PHAX: variants seen among roughly 807,000 people sequenced by gnomAD.
The protein encoded by PHAX is phosphorylated adapter RNA export protein.
Under a neutral mutation model 41.6 loss-of-function variants are expected in PHAX, and 31 were observed. The ratio of observed to expected loss-of-function variants is 0.75; its 90% CI spans 0.56 to 1.01. PHAX has a LOEUF of 1.01. Among genes scored for constraint, PHAX ranks in the 50% least tolerant of loss-of-function variants. The probability of loss-of-function intolerance (pLI) is 0.00; values close to 1 mark genes in which losing one functional copy is unlikely to be tolerated. For synonymous variants in PHAX, 175 were observed against 164.9 expected, an observed-to-expected ratio of 1.06 and a Z score of -0.47; for missense variants, 453 against 472.9, an observed-to-expected ratio of 0.96 and a Z score of 0.39.
chr5:126,616,608 G>T lies in PHAX; in HGVS notation c.832-642G>T, dbSNP rs562315405. Among the ~76,000 whole-genome samples, 5 of 151,820 alleles carry T rather than the reference G, an allele frequency of 3.3e-5. 1 individual carries two copies. Among genetic ancestry groups the T allele is most frequent in the African/African-American group, 1.2e-4 (5 of 41,378 alleles). Reference sequence around the variant, plus strand: ...CTAATAGAATATTCATGGTGGGTGCGGTGGCTCACACCTGTAATCCTAGCA... The same window carrying T: ...CTAATAGAATATTCATGGTGGGTGCTGTGGCTCACACCTGTAATCCTAGCA... On this transcript the variant is annotated intron_variant, in intron 3 of 4. Coordinates refer to ENST00000297540, the MANE Select transcript of PHAX (RefSeq NM_032177.4).
chr5:126,618,261 A>G lies in PHAX; in HGVS notation c.915+928A>G, dbSNP rs541006025. Among the ~76,000 whole-genome samples the G allele has an allele frequency of 1.2e-3, 189 of 152,054 alleles. 1 individual carries two copies. The highest frequency in any genetic ancestry group is 1.9e-3 in the Non-Finnish European group (129 of 67,962). ...GGCCTATACAGTCTTTTCCTGTTCC[A>G]TGTGGAAATAAATAACAAGCATCAG... On this transcript the variant is annotated intron_variant, in intron 4 of 4. Transcript: ENST00000297540.
intron 1 of PHAX, among the ~76,000 whole-genome samples, chr5:126,602,396 T>A (rs1751917333): frequency 6.6e-6 from 1 of 152,214 alleles, no homozygotes; most frequent in South Asian, 2.1e-4. Context: ...CCTCACTGCT[T>A]TTTGTCTACC....
Position 126,603,972 on chromosome 5 carries a change from C to G in PHAX, c.499C>G (p.His167Asp). The G allele has an allele frequency of 1.2e-6, 2 of 1,613,834 alleles. No homozygotes were observed. Among genetic ancestry groups the G allele is most frequent in the Non-Finnish European group, 1.7e-6 (2 of 1,179,992 alleles). ...GAAACTTAGGAAGGAATCTCAAGAG[C>G]ATACAAAAGATCTAGACAAGGAACT... is the stretch of plus-strand genomic sequence containing the variant. ...AKKLRKESQEHTKDLDKELDE... is the reference protein window; with the variant it reads ...AKKLRKESQEDTKDLDKELDE... Residue 167 changes from histidine to aspartate, a missense_variant, in exon 2 of 5, where the codon CAT becomes GAT. By Grantham distance (81) the His-to-Asp change is moderately conservative (BLOSUM62 -1). Coordinates refer to ENST00000297540, the MANE Select transcript of PHAX (RefSeq NM_032177.4).
At chr5:126,607,936 A>G (rs903884887) in intron 2 of PHAX, among the ~76,000 whole-genome samples, 2 of 152,170 alleles carry the variant, frequency 1.3e-5, no homozygotes, top group Admixed American at 6.6e-5. Flanking sequence ...CAGGGAGTCT[A>G]TGAGGGAAAG....
intron 3 of PHAX, among the ~76,000 whole-genome samples, chr5:126,613,726 A>G (rs1752141444): frequency 6.6e-6 from 1 of 151,814 alleles, no homozygotes; most frequent in South Asian, 2.1e-4. Context: ...GTGATTACCT[A>G]TGGTTAGTAG....
At chr5:126,609,381 G>A (rs747034678) in intron 3 of PHAX, among the ~76,000 whole-genome samples, 7 of 151,598 alleles carry the variant, frequency 4.6e-5, no homozygotes, top group Non-Finnish European at 7.4e-5. Context: ...GATTACAGGC[G>A]TGAGCCACTG....
rs189641634 is a variant in PHAX, at chr5:126,615,610, A to C, written c.832-1640A>C. Among the ~76,000 whole-genome samples the C allele has an allele frequency of 4.7e-3, 707 of 151,948 alleles. 3 individuals are homozygous for C. Among genetic ancestry groups the C allele is most frequent in the Middle Eastern group, 0.021 (6 of 292 alleles). ...CCAACTAGTGTTTCTAAGTGCAAGA[A>C]GACTGTGACATGCGTTAGAGAGAAA... On this transcript the variant is annotated intron_variant, in intron 3 of 4. Transcript: ENST00000297540.
intron 4 of PHAX, among the ~76,000 whole-genome samples, chr5:126,618,606 A>C (rs531315614): frequency 1.7e-4 from 26 of 150,836 alleles, no homozygotes; most frequent in Non-Finnish European, 2.7e-4. Flanking sequence ...CTCCTCCTGT[A>C]TTATATATTT....
chr5:126,604,122 G>T lies in PHAX; in HGVS notation c.649G>T (p.Gly217Cys). 1 of 1,592,050 alleles carries T rather than the reference G, an allele frequency of 6.3e-7. No homozygotes were observed. Among genetic ancestry groups the T allele is most frequent in the Non-Finnish European group, 8.5e-7 (1 of 1,171,832 alleles). Residue 217 changes from glycine to cysteine, a missense_variant, in exon 2 of 5, where the codon GGT becomes TGT. Transcript: ENST00000297540. ...GAACAGACCAGAAATGAACTATAAA[G>T]GTCGATACGAGATCACAGCGGAAGA... is the stretch of plus-strand genomic sequence containing the variant. ...LGNRPEMNYKGRYEITAEDSQ... is the reference protein window; with the variant it reads ...LGNRPEMNYKCRYEITAEDSQ...
At chr5:126,614,401 C>T (rs751612551) in intron 3 of PHAX, among the ~76,000 whole-genome samples, 27 of 152,036 alleles carry the variant, frequency 1.8e-4, no homozygotes, top group Non-Finnish European at 2.4e-4. Context: ...CGTGAGTCAC[C>T]GCACCCGGCC....
At chr5:126,607,490 A>T (rs748449284) in intron 2 of PHAX, among the ~76,000 whole-genome samples, 4 of 139,708 alleles carry the variant, frequency 2.9e-5, no homozygotes, top group African/African-American at 5.5e-5. Flanking sequence ...CCTCTGCCTC[A>T]GCCTCAGGGT....
Position 126,624,838 on chromosome 5 carries a change from C to G in PHAX, c.1179C>G (p.Ile393Met). ...IEVDHSHDLDIF is the reference protein window; with the variant it reads ...IEVDHSHDLDMF ...TTGATCATTCTCATGATTTGGACAT[C>G]TTTTAAGTACATTTTCAACAGTTTG... Residue 393 changes from isoleucine to methionine, a missense_variant, in exon 5 of 5, where the codon ATC (isoleucine) becomes ATG (methionine). Transcript: ENST00000297540. The G allele has an allele frequency of 1.2e-6, 2 of 1,601,614 alleles. No individual in the cohort carries two copies. The highest frequency in any genetic ancestry group is 1.7e-6 in the Non-Finnish European group (2 of 1,175,214).
rs752643490 is a variant in PHAX, at chr5:126,604,004, A to G, written c.531A>G (p.Glu177=). The G allele has an allele frequency of 6.2e-7, 1 of 1,614,092 alleles. No homozygotes were observed. The change falls in exon 2 of 5, where the codon GAA becomes GAG. Residue 177 remains glutamate (E), a synonymous_variant. Transcript: ENST00000297540. ...AAGATCTAGACAAGGAACTAGATGA[A>G]TATATGCATGGTGGCAAAAAAATGG... The part of the protein sequence containing the change: ...HTKDLDKELD[E]YMHGGKKMGS...
chr5:126,615,508 C>CTTT (rs35158448), intron 3 of PHAX, among the ~76,000 whole-genome samples: 2,509 of 111,408 alleles, frequency 0.023, 163 homozygotes, highest in African/African-American at 0.075. Context: ...ACATTCTGTG[C>CTTT]TTTTTTTTTT....
intron 3 of PHAX, among the ~76,000 whole-genome samples, chr5:126,608,937 CA>C (rs558172468): frequency 4.1e-4 from 50 of 121,390 alleles, no homozygotes; most frequent in East Asian, 5.0e-4. Context: ...AACTCCGTCT[CA>C]AAAAAAAAAA....
At position 126,602,833 on chromosome 5, in the gene PHAX, T is replaced by C. The variant is rs565145121; in HGVS notation, c.97-737T>C. ...TCCTGGCTAACGCGGTGAAACCCCC[T>C]CTCTACTAAAAATACAAAAAAATTA... On this transcript the variant is annotated intron_variant, in intron 1 of 4. Coordinates refer to ENST00000297540, the MANE Select transcript of PHAX (RefSeq NM_032177.4). Among the ~76,000 whole-genome samples the C allele has an allele frequency of 2.9e-3, 442 of 151,964 alleles. 2 individuals carry two copies. The highest frequency in any genetic ancestry group is 0.01 in the African/African-American group (419 of 41,444).
intron 3 of PHAX, among the ~76,000 whole-genome samples, chr5:126,613,219 T>C (rs1752133131): frequency 6.6e-6 from 1 of 152,032 alleles, no homozygotes; most frequent in African/African-American, 2.4e-5. Flanking sequence ...TGTGGTGGCA[T>C]GTGCCTGTAA....
Position 126,624,866 on chromosome 5 carries a change from G to A in PHAX, c.*22G>A. The A allele has an allele frequency of 6.4e-7, 1 of 1,569,800 alleles. No homozygotes were observed. The highest frequency in any genetic ancestry group is 8.6e-7 in the Non-Finnish European group (1 of 1,161,162). ...TTAAGTACATTTTCAACAGTTTGAG[G>A]ACTAAGCCTTTCTAAAATAACATTG... On this transcript the variant is annotated 3_prime_UTR_variant, in exon 5 of 5. Transcript: ENST00000297540.
At chr5:126,623,249 T>G (rs1752298458) in intron 4 of PHAX, among the ~76,000 whole-genome samples, 1 of 152,150 alleles carries the variant, frequency 6.6e-6, no homozygotes, top group Admixed American at 6.6e-5. Context: ...AATTATACAC[T>G]GCACTCCAGC....
Sources: allele counts gnomAD v4.1 joint callset (sites outside exome capture counted in the v4.1 genomes callset), GRCh38; gene constraint gnomAD v4.1.1; transcripts MANE v1.5; gene names NCBI Gene and HGNC (gene_info 2026-07-23, HGNC 2026-07-21).